Variants in KCNIP4 observed in about 807,000 individuals in gnomAD.
The protein encoded by KCNIP4 is Kv channel-interacting protein 4.
Under a neutral mutation model 34.0 loss-of-function variants are expected in KCNIP4, and 12 were observed. The ratio of observed to expected loss-of-function variants is 0.35; its 90% CI spans 0.23 to 0.57. The LOEUF is 0.57. Among genes scored for constraint, KCNIP4 ranks in the 20% least tolerant of loss-of-function variants. The pLI, the probability that KCNIP4 is intolerant of heterozygous loss-of-function variation, is 0.83. For synonymous variants in KCNIP4, 124 were observed against 102.2 expected, an observed-to-expected ratio of 1.21 and a Z score of -1.29; for missense variants, 238 against 311.7, an observed-to-expected ratio of 0.76 and a Z score of 1.78.
intron 1 of KCNIP4, among the ~76,000 whole-genome samples, chr4:20,927,768 C>T (rs1055047936): frequency 2.0e-5 from 3 of 152,086 alleles, no homozygotes; most frequent in African/African-American, 4.8e-5. Context: ...TCATAATGTC[C>T]TTATACCATT....
intron 1 of KCNIP4, among the ~76,000 whole-genome samples, chr4:21,078,251 G>T (rs1284012445): frequency 1.3e-5 from 2 of 152,130 alleles, no homozygotes; most frequent in Non-Finnish European, 2.9e-5. Flanking sequence ...TAAGTATCTA[G>T]TTTGGGTAAC....
At chr4:21,259,732 T>C (rs1328653409) in intron 1 of KCNIP4, among the ~76,000 whole-genome samples, 2 of 152,164 alleles carry the variant, frequency 1.3e-5, no homozygotes, top group African/African-American at 4.8e-5. Context: ...ATTCAGTTTT[T>C]CCATATTTTA....
intron 1 of KCNIP4, among the ~76,000 whole-genome samples, chr4:21,497,653 A>G (rs1732959548): frequency 6.6e-6 from 1 of 152,220 alleles, no homozygotes; most frequent in South Asian, 2.1e-4. Flanking sequence ...CTACAGGAAG[A>G]GTATGTCTCA....
At chr4:20,845,280 G>C (rs1288847800) in intron 3 of KCNIP4, among the ~76,000 whole-genome samples, 1 of 152,136 alleles carries the variant, frequency 6.6e-6, no homozygotes, top group African/African-American at 2.4e-5. Context: ...AAAATGGCTA[G>C]TACCTGTCTT....
At chr4:21,437,880 AGTGTGTGTGTGTGTGTGTGT>A (rs71655635) in intron 1 of KCNIP4, among the ~76,000 whole-genome samples, 3 of 143,266 alleles carry the variant, frequency 2.1e-5, no homozygotes, top group Admixed American at 7.0e-5. Flanking sequence ...TTATTTTACA[AGTGTGTGTGTGTGTGTGTGT>A]GTGTGTGTGT....
chr4:21,065,606 T>C (rs924719973), intron 1 of KCNIP4, among the ~76,000 whole-genome samples: 2 of 151,566 alleles, frequency 1.3e-5, no homozygotes, highest in South Asian at 2.1e-4. Context: ...TCTTTCCAAA[T>C]TGCTGACTGT....
At chr4:21,112,441 C>T (rs1024389367) in intron 1 of KCNIP4, among the ~76,000 whole-genome samples, 1 of 152,178 alleles carries the variant, frequency 6.6e-6, no homozygotes, top group African/African-American at 2.4e-5. Flanking sequence ...GAGGTCCAGA[C>T]CTCTGATGTC....
intron 1 of KCNIP4, among the ~76,000 whole-genome samples, chr4:21,333,974 T>C (rs1460818679): frequency 6.6e-6 from 1 of 152,168 alleles, no homozygotes; most frequent in African/African-American, 2.4e-5. Flanking sequence ...AGCATGTTAT[T>C]TTCCTAAGTG....
intron 1 of KCNIP4, among the ~76,000 whole-genome samples, chr4:21,212,156 A>G (rs1023575867): frequency 7.2e-5 from 11 of 152,326 alleles, no homozygotes; most frequent in Admixed American, 7.2e-4. Flanking sequence ...CAGATAAAAG[A>G]GCAAATAAGC....
At chr4:21,893,444 A>G (rs1727218781) in intron 1 of KCNIP4, among the ~76,000 whole-genome samples, 1 of 152,200 alleles carries the variant, frequency 6.6e-6, no homozygotes, top group African/African-American at 2.4e-5. Flanking sequence ...TAAAATTGCT[A>G]GACCTCAAGA....
chr4:21,807,693 T>C (rs541669359), intron 1 of KCNIP4, among the ~76,000 whole-genome samples: 46 of 152,286 alleles, frequency 3.0e-4, no homozygotes, highest in African/African-American at 1.1e-3. Context: ...CATTGCCCGA[T>C]TGGAATTAAA....
intron 1 of KCNIP4, among the ~76,000 whole-genome samples, chr4:21,059,480 A>C (rs984727246): frequency 3.3e-5 from 5 of 152,116 alleles, no homozygotes; most frequent in Non-Finnish European, 7.4e-5. Flanking sequence ...ATGGACGGAG[A>C]AATTCCCTGA....
chr4:20,912,517 A>G (rs1728426439), intron 1 of KCNIP4, among the ~76,000 whole-genome samples: 1 of 150,454 alleles, frequency 6.6e-6, no homozygotes, highest in African/African-American at 2.4e-5. Flanking sequence ...GCAAGCAACC[A>G]AACAAACAAA....
chr4:21,822,707 T>G (rs1478873928), intron 1 of KCNIP4, among the ~76,000 whole-genome samples: 1 of 135,712 alleles, frequency 7.4e-6, no homozygotes, highest in Non-Finnish European at 1.5e-5. Flanking sequence ...ACAAAGTATA[T>G]TATTAATTTT....
intron 1 of KCNIP4, among the ~76,000 whole-genome samples, chr4:20,964,377 A>G (rs1269239076): frequency 6.6e-6 from 1 of 152,224 alleles, no homozygotes; most frequent in Non-Finnish European, 1.5e-5. Flanking sequence ...CAGTTAAAGT[A>G]TGTGGTTCAA....
chr4:21,315,677 T>C (rs13118906), intron 1 of KCNIP4, among the ~76,000 whole-genome samples: 11,974 of 152,214 alleles, frequency 0.079, 484 homozygotes, highest in Middle Eastern at 0.12. Context: ...GGTGTTATGG[T>C]TATTTTGCTC....
rs1560479856 is a variant in KCNIP4, at chr4:21,519,519, T to TGTGTGTATGTGTATGTGTATATATACAC, written c.61+429051_61+429052insGTGTATATATACACATACACATACACAC. On this transcript the variant is annotated intron_variant, in intron 1 of 8. Coordinates refer to ENST00000382152, the MANE Select transcript of KCNIP4 (RefSeq NM_025221.6). ...GTGTATGTGTATGTGTATATACACA[T>TGTGTGTATGTGTATGTGTATATATACAC]ATGTGTGTATGTGTATGTGTATATA... is the stretch of plus-strand genomic sequence containing the variant. Among the ~76,000 whole-genome samples, 10 of 62,134 alleles carry TGTGTGTATGTGTATGTGTATATATACAC rather than the reference T, an allele frequency of 1.6e-4. 2 individuals are homozygous for TGTGTGTATGTGTATGTGTATATATACAC. Among genetic ancestry groups the TGTGTGTATGTGTATGTGTATATATACAC allele is most frequent in the African/African-American group, 4.4e-4 (9 of 20,480 alleles). 40.8% of individuals were successfully genotyped at this position (62,134 alleles called of 152,430 possible).
chr4:21,332,288 A>T (rs942790546), intron 1 of KCNIP4, among the ~76,000 whole-genome samples: 2 of 150,926 alleles, frequency 1.3e-5, no homozygotes, highest in Admixed American at 6.6e-5. Flanking sequence ...TAACCCAAGG[A>T]TTCTGATTTT....
chr4:20,913,887 G>A (rs375819942), intron 1 of KCNIP4, among the ~76,000 whole-genome samples: 1 of 151,996 alleles, frequency 6.6e-6, no homozygotes, highest in African/African-American at 2.4e-5. Flanking sequence ...CAGGCGCGGT[G>A]GCTCATGCCT....
Sources: gnomAD v4.1 joint callset for allele counts (sites outside exome capture counted in the v4.1 genomes callset) on GRCh38, gnomAD v4.1.1 for gene constraint, MANE v1.5 for transcripts, NCBI Gene and HGNC (gene_info 2026-07-23, HGNC 2026-07-21) for gene names.